The following UBALD1 variants were observed in gnomAD, a reference collection of about 807,000 sequenced individuals.
The protein encoded by UBALD1 is UBA-like domain-containing protein 1.
A neutral mutation model predicts 16.1 loss-of-function variants in UBALD1; 5 were observed. The observed-to-expected ratio is 0.31, with a 90% confidence interval of 0.16 to 0.66. The LOEUF (loss-of-function observed/expected upper bound fraction) is 0.66, where lower values mean the gene tolerates loss of function less well. UBALD1 is among the 30% of genes least tolerant of loss of function. The pLI is 0.77. For synonymous variants in UBALD1, 146 were observed against 105.3 expected (o/e 1.39, Z -2.37); for missense variants, 220 against 252.8 (o/e 0.87, Z 0.88).
At chr16:4,612,063 ATTT>A (rs35403269) in intron 1 of UBALD1, among the ~76,000 whole-genome samples, 10 of 117,150 alleles carry the variant, frequency 8.5e-5, no homozygotes, top group Admixed American at 2.7e-4. Context: ...GGCTATTTAG[ATTT>A]TTTTTTTTTT....
Position 4,609,945 on chromosome 16 carries a change from G to A in UBALD1, c.222C>T (p.Asn74=). The A allele has an allele frequency of 6.3e-7, 1 of 1,597,840 alleles. No individual in the cohort carries two copies. Among genetic ancestry groups the A allele is most frequent in the African/African-American group, 1.3e-5 (1 of 74,532 alleles). ...TPANTPATPP[N]FPDALTMFSR... The stretch of plus-strand genomic sequence containing the variant: ...AGAACATGGTGAGAGCGTCAGGGAA[G>A]TTGGGGGGTGTAGCAGGGGTATTGG... The change falls in exon 3 of 3, where the codon AAC becomes AAT. Residue 74 remains asparagine (N), a synonymous_variant. Transcript: ENST00000283474.
In UBALD1 at chr16:4,610,473, G is replaced by C; in HGVS notation, c.183+20C>G. Reference sequence around the variant, plus strand: ...CCTCCTTCCGCCCAATCCAGAACTGGGGACTCCGGGGACACTTACCATCTG... The same window carrying C: ...CCTCCTTCCGCCCAATCCAGAACTGCGGACTCCGGGGACACTTACCATCTG... On this transcript the variant is annotated intron_variant, in intron 2 of 2. Coordinates refer to ENST00000283474, the MANE Select transcript of UBALD1 (RefSeq NM_145253.3). The C allele has an allele frequency of 6.3e-7, 1 of 1,592,196 alleles. No homozygotes were observed. The highest frequency in any genetic ancestry group is 8.6e-7 in the Non-Finnish European group (1 of 1,168,740).
chr16:4,614,282 C>T (rs1448737023), intron 1 of UBALD1: 3 of 356,134 alleles, frequency 8.4e-6, no homozygotes, highest in East Asian at 8.2e-5. Flanking sequence ...GGACCACTCG[C>T]CCGGAGCGGC....
At chr16:4,614,209 A>C in intron 1 of UBALD1, 1 of 299,596 alleles carries the variant, frequency 3.3e-6, no homozygotes. Context: ...GTGCGTGCGT[A>C]AACACAAATG....
intron 1 of UBALD1, chr16:4,610,790 C>A: frequency 1.9e-6 from 1 of 527,900 alleles, no homozygotes; most frequent in Non-Finnish European, 3.4e-6. Context: ...CCTTCCCCTG[C>A]TGCTCGCCAC....
At position 4,609,677 on chromosome 16, in the gene UBALD1, T is replaced by C. The variant is rs1384803784; in HGVS notation, c.490A>G (p.Thr164Ala). 3 of 1,464,906 alleles carry C rather than the reference T, an allele frequency of 2.0e-6. No homozygotes were observed. Among genetic ancestry groups the C allele is most frequent in the Non-Finnish European group, 2.7e-6 (3 of 1,109,902 alleles). 90.7% of individuals were successfully genotyped at this position (1,464,906 alleles called of 1,614,324 possible). ...DWPPLAPQQA[T>A]SEPRAHPAME... is the part of the protein sequence containing the mutation. The stretch of plus-strand genomic sequence containing the variant: ...GCAGGGTGGGCCCTGGGTTCTGAGG[T>C]GGCCTGTTGGGGGGCCAGGGGTGGC... The change falls in exon 3 of 3, where the codon ACC becomes GCC. Residue 164 changes from threonine (T) to alanine (A), a missense_variant. Physicochemically the swap from Thr to Ala is moderately conservative, Grantham distance 58 (BLOSUM62 0). This residue lies in a region of UBALD1 where 151 missense variants were observed against 132.6 expected (regional missense o/e 1.14). Coordinates refer to ENST00000283474, the MANE Select transcript of UBALD1 (RefSeq NM_145253.3).
chr16:4,609,343 A>C lies in UBALD1; in HGVS notation c.*290T>G. 1.0e-5 allele frequency: 3 copies of C among 299,586 alleles called. No individual in the cohort carries two copies. The highest frequency in any genetic ancestry group is 6.1e-6 in the Non-Finnish European group (1 of 163,362). 18.6% of individuals were successfully genotyped at this position (299,586 alleles called of 1,614,324 possible). A position where few individuals can be genotyped will look rare whatever the true frequency, so the allele number is the denominator to read the frequency against. On this transcript the variant is annotated 3_prime_UTR_variant, in exon 3 of 3. Coordinates refer to ENST00000283474, the MANE Select transcript of UBALD1 (RefSeq NM_145253.3). ...ACGGCACCCCTGGGCTGGGCTGGGCAGGTGCGTCTTCGAAGGAAGGCTGCG... is the reference window on the plus strand; with the variant it reads ...ACGGCACCCCTGGGCTGGGCTGGGCCGGTGCGTCTTCGAAGGAAGGCTGCG...
chr16:4,614,455 G>T, intron 1 of UBALD1: 3 of 604,258 alleles, frequency 5.0e-6, no homozygotes, highest in Non-Finnish European at 7.5e-6. Context: ...GCGGCCCCGC[G>T]GGGGCGGCGT....
At position 4,610,561 on chromosome 16, in the gene UBALD1, G is replaced by A; in HGVS notation, c.121-6C>T. The A allele has an allele frequency of 6.2e-7, 1 of 1,610,220 alleles. No individual in the cohort carries two copies. The highest frequency in any genetic ancestry group is 8.5e-7 in the Non-Finnish European group (1 of 1,178,766). On this transcript the variant is annotated splice_region_variant and splice_polypyrimidine_tract_variant and intron_variant, in intron 1 of 2. Coordinates refer to ENST00000283474, the MANE Select transcript of UBALD1 (RefSeq NM_145253.3). ...AAAAAGGCGCTGAGGGCTGTCTGCA[G>A]GAAGAAAGGCCCCTGCTCACCCTCC...
At position 4,614,743 on chromosome 16, in the gene UBALD1, G is replaced by A. The variant is rs753957077; in HGVS notation, c.55C>T (p.Leu19=). 3.8e-6 allele frequency: 6 copies of A among 1,561,112 alleles called. No individual in the cohort carries two copies. In the East Asian group the frequency reaches 1.3e-4, roughly 34 times the overall value. Residue 19 remains leucine (L), a synonymous_variant, in exon 1 of 3, where the codon CTG becomes TTG. Coordinates refer to ENST00000283474, the MANE Select transcript of UBALD1 (RefSeq NM_145253.3). The stretch of plus-strand genomic sequence containing the variant: ...TGGTCGGCCGCGCAGCCCGCCGTCA[G>A]CACGAACTGGTTGATCATGACCTGG... The part of the protein sequence containing the change: ...KHQVMINQFV[L]TAGCAADQAK...
chr16:4,614,860 A>G lies in UBALD1; in HGVS notation c.-63T>C. The G allele has an allele frequency of 7.2e-7, 1 of 1,396,390 alleles. No homozygotes were observed. 86.5% of individuals were successfully genotyped at this position (1,396,390 alleles called of 1,614,324 possible). A position where few individuals can be genotyped will look rare whatever the true frequency, so the allele number is the denominator to read the frequency against. ...GCCCGCGCCTCCGCCTCACGCGTCC[A>G]CCATTAGCGAGCCGGCTCCGGCTAA... On this transcript the variant is annotated 5_prime_UTR_variant, in exon 1 of 3. Coordinates refer to ENST00000283474, the MANE Select transcript of UBALD1 (RefSeq NM_145253.3).
chr16:4,610,837 T>C, intron 1 of UBALD1: 1 of 456,316 alleles, frequency 2.2e-6, no homozygotes, highest in Middle Eastern at 5.7e-4. Context: ...GCCCTCCCCC[T>C]GCACCAGCTG....
chr16:4,614,616 C>T (rs937115188), intron 1 of UBALD1, 62 bp downstream of exon 1: 1 of 1,294,240 alleles, frequency 7.7e-7, no homozygotes, highest in Non-Finnish European at 9.8e-7. Context: ...CCCCGCCCGG[C>T]GGCCACGCGG....
chr16:4,614,133 T>G, intron 1 of UBALD1: 1 of 200,672 alleles, frequency 5.0e-6, no homozygotes, highest in Admixed American at 6.0e-5. Context: ...GGCTGCGCGT[T>G]CACACGCGCG....
At chr16:4,613,455 C>T (rs1175598465) in intron 1 of UBALD1, among the ~76,000 whole-genome samples, 1 of 152,126 alleles carries the variant, frequency 6.6e-6, no homozygotes, top group Non-Finnish European at 1.5e-5. Context: ...ATGGGATGGC[C>T]ACTGCCTTCC....
At position 4,609,051 on chromosome 16, in the gene UBALD1, C is replaced by A. The variant is rs940389239; in HGVS notation, c.*582G>T. ...TCCTTTTCTCTGCAAGGAACAGCAA[C>A]GCTGGCTGACGAGGGGGTGGGGAGG... On this transcript the variant is annotated 3_prime_UTR_variant, in exon 3 of 3. Coordinates refer to ENST00000283474, the MANE Select transcript of UBALD1 (RefSeq NM_145253.3). The A allele has an allele frequency of 2.4e-5, 3 of 125,670 alleles. No individual in the cohort carries two copies. Among genetic ancestry groups the A allele is most frequent in the African/African-American group, 9.0e-5 (3 of 33,286 alleles). 7.8% of individuals were successfully genotyped at this position (125,670 alleles called of 1,614,324 possible).
intron 1 of UBALD1, among the ~76,000 whole-genome samples, chr16:4,611,782 T>C (rs1292398683): frequency 6.6e-6 from 1 of 152,158 alleles, no homozygotes; most frequent in African/African-American, 2.4e-5. Flanking sequence ...GCTGAGGCCC[T>C]GCAGGGGTGG....
chr16:4,611,833 G>A (rs1428309103), intron 1 of UBALD1, among the ~76,000 whole-genome samples: 1 of 152,148 alleles, frequency 6.6e-6, no homozygotes, highest in Non-Finnish European at 1.5e-5. Flanking sequence ...CTTGCGCAAG[G>A]GCCAGTGAGG....
rs1271960048 is a variant in UBALD1, at chr16:4,610,299, C to A, written c.183+194G>T. 1.5e-5 allele frequency: 11 copies of A among 718,320 alleles called. No homozygotes were observed. In the Admixed American group the frequency reaches 2.0e-4, roughly 13 times the overall value. 44.5% of individuals were successfully genotyped at this position (718,320 alleles called of 1,614,324 possible). A position where few individuals can be genotyped will look rare whatever the true frequency, so the allele number is the denominator to read the frequency against. On this transcript the variant is annotated intron_variant, in intron 2 of 2. Coordinates refer to ENST00000283474, the MANE Select transcript of UBALD1 (RefSeq NM_145253.3). ...CCCCAGAGGCCAGCGCCCCCCAGGT[C>A]TCAGGGGGAGCTGGCACAGGCAAGA...
Sources: allele counts gnomAD v4.1 joint callset (sites outside exome capture counted in the v4.1 genomes callset), GRCh38; gene constraint gnomAD v4.1.1; regional missense constraint gnomAD v4.1.1; transcripts MANE v1.5; gene names NCBI Gene and HGNC (gene_info 2026-07-23, HGNC 2026-07-21).